TMPRSS6: variants seen among roughly 807,000 people sequenced by gnomAD.
TMPRSS6 encodes the protein transmembrane protease serine 6.
Under a neutral mutation model 101.5 loss-of-function variants are expected in TMPRSS6, and 67 were observed. The observed-to-expected ratio is 0.66, with a 90% CI of 0.54 to 0.81. The LOEUF is 0.81. Among genes scored for constraint, TMPRSS6 ranks in the 30% least tolerant of loss-of-function variants. The probability of loss-of-function intolerance (pLI) is 0.00; values close to 1 mark genes in which losing one functional copy is unlikely to be tolerated. For synonymous variants in TMPRSS6, 453 were observed against 464.9 expected, an observed-to-expected ratio of 0.97 and a Z score of 0.33; for missense variants, 1,034 against 1,088.7, an observed-to-expected ratio of 0.95 and a Z score of 0.71.
intron 10 of TMPRSS6, among the ~76,000 whole-genome samples, chr22:37,078,746 GGAAGAAA>G (rs1173261938): frequency 6.9e-6 from 1 of 145,436 alleles, no homozygotes; most frequent in Non-Finnish European, 1.5e-5. Flanking sequence ...AAGATGAAGA[GGAAGAAA>G]GGAGAAAGAG....
At position 37,089,631 on chromosome 22, in the gene TMPRSS6, G is replaced by A. The variant is rs367846176; in HGVS notation, c.783C>T (p.Asp261=). Residue 261 remains aspartate, a synonymous_variant, in exon 7 of 18, where the codon GAC becomes GAT. Coordinates refer to ENST00000676104, the MANE Select transcript of TMPRSS6 (RefSeq NM_001374504.1). ...RLEWTLAECR[D]RLAMYDVAGP... is the part of the protein sequence containing the mutation. ...CGGCCACGTCATACATGGCCAGTCGGTCCCGGCACTCTGCCAGCGTCCACT... is the reference window on the plus strand; with the variant it reads ...CGGCCACGTCATACATGGCCAGTCGATCCCGGCACTCTGCCAGCGTCCACT... 3 of 1,612,878 alleles carry A rather than the reference G, an allele frequency of 1.9e-6. No individual in the cohort carries two copies. Among genetic ancestry groups the A allele is most frequent in the Non-Finnish European group, 2.5e-6 (3 of 1,179,724 alleles).
At chr22:37,099,305 G>C (rs1930090926) in intron 2 of TMPRSS6, among the ~76,000 whole-genome samples, 1 of 152,254 alleles carries the variant, frequency 6.6e-6, no homozygotes, top group Non-Finnish European at 1.5e-5. Context: ...CTGAAAGCCT[G>C]TTTGGCTGGA....
intron 10 of TMPRSS6, among the ~76,000 whole-genome samples, chr22:37,079,598 A>C (rs772903786): frequency 6.6e-5 from 10 of 152,228 alleles, no homozygotes; most frequent in Non-Finnish European, 1.5e-4. Flanking sequence ...GCATTGCCAG[A>C]GCTCTAGACC....
At chr22:37,077,792 A>C (rs1601532866) in intron 10 of TMPRSS6, among the ~76,000 whole-genome samples, 1 of 152,368 alleles carries the variant, frequency 6.6e-6, no homozygotes, top group East Asian at 1.9e-4. Context: ...AACATTTTAA[A>C]ATTTTGTTTC....
rs1038744608 is a variant in TMPRSS6, at chr22:37,103,650, C to G, written c.-1-232G>C. The G allele has an allele frequency of 6.6e-7, 1 of 1,526,694 alleles. No individual in the cohort carries two copies. The highest frequency in any genetic ancestry group is 1.4e-5 in the African/African-American group (1 of 73,136). 94.6% of individuals were successfully genotyped at this position (1,526,694 alleles called of 1,614,324 possible). A position where few individuals can be genotyped will look rare whatever the true frequency, so the allele number is the denominator to read the frequency against. On this transcript the variant is annotated intron_variant, in intron 1 of 17. Coordinates refer to ENST00000676104, the MANE Select transcript of TMPRSS6 (RefSeq NM_001374504.1). The surrounding 1 kb of genome is among the most constrained non-coding windows in gnomAD (Gnocchi z 4.4). ...CACCAGAGCTGGACTGGGTCTGGCT[C>G]AAGAACCCCACCTTTGCTTCCCACT...
At chr22:37,079,423 G>C (rs1043625672) in intron 10 of TMPRSS6, among the ~76,000 whole-genome samples, 6 of 152,074 alleles carry the variant, frequency 3.9e-5, no homozygotes, top group Non-Finnish European at 8.8e-5. Flanking sequence ...TGCATGGATG[G>C]ATGGATGGAT....
intron 10 of TMPRSS6, among the ~76,000 whole-genome samples, chr22:37,075,748 C>T (rs1428216751): frequency 6.6e-6 from 1 of 152,090 alleles, no homozygotes; most frequent in Admixed American, 6.5e-5. Context: ...ACTAAAAATA[C>T]AAAATTAGCC....
chr22:37,088,768 C>T (rs928401537), intron 7 of TMPRSS6, among the ~76,000 whole-genome samples: 1 of 152,220 alleles, frequency 6.6e-6, no homozygotes, highest in African/African-American at 2.4e-5. Context: ...GCGGCCCAGT[C>T]CCAGTTAGAG....
In TMPRSS6 at chr22:37,108,074, A is replaced by G. The variant is rs529855588; in HGVS notation, c.-2+1429T>C. On this transcript the variant is annotated intron_variant, in intron 1 of 17. Coordinates refer to ENST00000676104, the MANE Select transcript of TMPRSS6 (RefSeq NM_001374504.1). ...AACTTCTCCTGCCTCCTTTTTTCCC[A>G]CCCTCTCTTTTCCCCGTCGCACCCC... Among the ~76,000 whole-genome samples, 304 of 150,902 alleles carry G rather than the reference A, an allele frequency of 2.0e-3. 1 individual carries two copies. Among genetic ancestry groups the G allele is most frequent in the African/African-American group, 6.9e-3 (282 of 41,016 alleles).
chr22:37,089,544 G>GGCCCCCCCCCCC, intron 7 of TMPRSS6, 34 bp downstream of exon 7: 1 of 1,348,864 alleles, frequency 7.4e-7, no homozygotes, highest in Non-Finnish European at 1.0e-6. Context: ...CCCTTTTCCA[G>GGCCCCCCCCCCC]CCCTCCCTCC....
rs753116690 is a variant in TMPRSS6 at position 37,098,429 on chromosome 22, T to G, written c.323A>C (p.Lys108Thr). 3 of 1,613,582 alleles carry G rather than the reference T, an allele frequency of 1.9e-6. No individual in the cohort carries two copies. The Admixed American group carries it at 5.0e-5, about 27-fold the overall frequency. ...ATCCTTTCCTACCATCTTCTGGGCT[T>G]TGGCGGTTTCACTGCGGAAGGCACT... The part of the protein sequence containing the change: ...ESSAFRSETA[K>T]AQKMLKELIT... Residue 108 changes from lysine (K) to threonine (T), a missense_variant, in exon 3 of 18, where the codon AAA becomes ACA. Lys to Thr is a moderately conservative substitution (Grantham distance 78). Transcript: ENST00000676104.
rs1276918813 is a variant in TMPRSS6 at position 37,070,531 on chromosome 22, G to A, written c.1794C>T (p.Ile598=). 10 of 1,613,418 alleles carry A rather than the reference G, an allele frequency of 6.2e-6. No individual in the cohort carries two copies. The highest frequency in any genetic ancestry group is 3.3e-4 in the Middle Eastern group (2 of 6,062). Residue 598 remains isoleucine (I), a synonymous_variant, in exon 15 of 18, where the codon ATC becomes ATT. Coordinates refer to ENST00000676104, the MANE Select transcript of TMPRSS6 (RefSeq NM_001374504.1). ...CAGCTGTTATCACCCAGCGGTCAGC[G>A]ATGAGGGCCCCCCCACAGATGTGTC... The part of the protein sequence containing the change: ...RGRHICGGAL[I]ADRWVITAAH...
chr22:37,104,029 T>C (rs1930556309), intron 1 of TMPRSS6, among the ~76,000 whole-genome samples: 1 of 152,158 alleles, frequency 6.6e-6, no homozygotes, highest in Non-Finnish European at 1.5e-5. Flanking sequence ...CTAATATTCA[T>C]TTCGTGCCCT....
chr22:37,072,646 GGAT>G (rs1927176630), intron 13 of TMPRSS6, among the ~76,000 whole-genome samples: 1 of 146,080 alleles, frequency 6.8e-6, no homozygotes. Context: ...ATGGACGGAT[GGAT>G]GATGGATGGA....
At chr22:37,096,541 TC>T in intron 4 of TMPRSS6, 106 bp downstream of exon 4, 1 of 1,267,682 alleles carries the variant, frequency 7.9e-7, no homozygotes. Context: ...TGCCTTAGTT[TC>T]CCCATTTGAA....
chr22:37,069,761 G>A lies in TMPRSS6; in HGVS notation c.1842-417C>T, dbSNP rs1926712352. On this transcript the variant is annotated intron_variant, in intron 15 of 17. Coordinates refer to ENST00000676104, the MANE Select transcript of TMPRSS6 (RefSeq NM_001374504.1). The surrounding 1 kb of genome is among the most constrained non-coding windows in gnomAD (Gnocchi z 4.8). ...AGGCTGCTCTGAATTCCCTGAGGCT[G>A]GTGGGTCCTAGTGGGGAGCGGGTGG... 6.6e-6 allele frequency among the ~76,000 whole-genome samples: 1 copy of A among 152,198 alleles called. No individual in the cohort carries two copies. The highest frequency in any genetic ancestry group is 2.4e-5 in the African/African-American group (1 of 41,446).
Position 37,095,943 on chromosome 22 carries a change from G to A in TMPRSS6, c.552C>T (p.Ala184=), listed in dbSNP as rs376950150. 1.7e-5 allele frequency: 28 copies of A among 1,614,002 alleles called. No individual in the cohort carries two copies. Among genetic ancestry groups the A allele is most frequent in the East Asian group, 2.2e-5 (1 of 44,882 alleles). Residue 184 remains alanine (A), a synonymous_variant, in exon 5 of 18, where the codon GCC becomes GCT. Coordinates refer to ENST00000676104, the MANE Select transcript of TMPRSS6 (RefSeq NM_001374504.1). ...VNSSAAVPYR[A]EYEVDPEGLV... is the part of the protein sequence containing the mutation. ...GGCCCTCGGGGTCCACTTCGTACTC[G>A]GCCCTGTAGGGGACGGCAGCCGAGC...
rs549441019 is a variant in TMPRSS6, at chr22:37,082,613, C to T, written c.1196+1682G>A. The T allele has an allele frequency of 6.4e-5, 14 of 218,958 alleles. No homozygotes were observed. The East Asian group carries it at 1.8e-3, about 29-fold the overall frequency. The allele number at this position is 218,958 out of a possible 1,614,324, so 13.6% of individuals were successfully genotyped here. A position where few individuals can be genotyped will look rare whatever the true frequency, so the allele number is the denominator to read the frequency against. ...CCATGAGGGGTCAGGGCAGCCGTTC[C>T]CAGAGGTGCCCCCATCATGCTACAG... On this transcript the variant is annotated intron_variant, in intron 10 of 17. Coordinates refer to ENST00000676104, the MANE Select transcript of TMPRSS6 (RefSeq NM_001374504.1).
intron 7 of TMPRSS6, 23 bp downstream of exon 7, chr22:37,089,554 CT>C: frequency 1.4e-6 from 2 of 1,443,394 alleles, no homozygotes; most frequent in Non-Finnish European, 1.9e-6. Flanking sequence ...GCCCTCCCTC[CT>C]GCCCTCCTTC....
Sources: allele counts gnomAD v4.1 joint callset (sites outside exome capture counted in the v4.1 genomes callset), GRCh38; gene constraint gnomAD v4.1.1; non-coding constraint Gnocchi (gnomAD v3.1); transcripts MANE v1.5; gene names NCBI Gene and HGNC (gene_info 2026-07-23, HGNC 2026-07-21).